The following LPP variants were observed in gnomAD, a reference collection of about 807,000 sequenced individuals.
LPP encodes LIM domain containing preferred translocation partner in lipoma, also known as lipoma-preferred partner.
A neutral mutation model predicts 60.4 loss-of-function variants in LPP; 38 were observed. The observed-to-expected ratio is 0.63, with a 90% CI of 0.49 to 0.83. The LOEUF is 0.83. Ranked by LOEUF, LPP falls within the 40% of genes least tolerant of loss-of-function variation. LPP has a pLI of 0.00. For synonymous variants in LPP, 328 were observed against 290.8 expected (o/e 1.13, Z -1.30); for missense variants, 902 against 783.6 (o/e 1.15, Z -1.80).
intron 2 of LPP, among the ~76,000 whole-genome samples, chr3:188,320,758 T>C (rs1386924653): frequency 1.3e-5 from 2 of 152,188 alleles, no homozygotes; most frequent in African/African-American, 4.8e-5. Flanking sequence ...CATGCACTGA[T>C]GCATCGTACT....
At chr3:188,335,498 T>C (rs1033613061) in intron 2 of LPP, among the ~76,000 whole-genome samples, 1 of 152,226 alleles carries the variant, frequency 6.6e-6, no homozygotes, top group African/African-American at 2.4e-5. Context: ...AATTTTCTTT[T>C]TACATGTTTG....
chr3:188,537,847 T>C (rs556313902), intron 6 of LPP, among the ~76,000 whole-genome samples: 4 of 152,290 alleles, frequency 2.6e-5, no homozygotes, highest in Admixed American at 1.3e-4. Context: ...TTCAAAACTT[T>C]CTTTCAAATG....
At chr3:188,252,825 G>A (rs1234486950) in intron 2 of LPP, among the ~76,000 whole-genome samples, 1 of 152,138 alleles carries the variant, frequency 6.6e-6, no homozygotes, top group African/African-American at 2.4e-5. Flanking sequence ...AGGCTGGAGT[G>A]CAGTGGCACG....
intron 1 of LPP, among the ~76,000 whole-genome samples, chr3:188,194,730 A>G (rs115411043): frequency 1.3e-5 from 2 of 152,358 alleles, no homozygotes; most frequent in Middle Eastern, 3.4e-3. Flanking sequence ...ACAAGCTCAT[A>G]TGACATACCT....
chr3:188,694,565 G>A (rs1862802033), intron 7 of LPP, among the ~76,000 whole-genome samples: 1 of 152,062 alleles, frequency 6.6e-6, no homozygotes, highest in Non-Finnish European at 1.5e-5. Context: ...ATCCGGGCAT[G>A]GTGGCACATG....
At chr3:188,393,075 C>T (rs77027621) in intron 3 of LPP, among the ~76,000 whole-genome samples, 1,537 of 150,482 alleles carry the variant, frequency 0.01, 29 homozygotes, top group African/African-American at 0.036. Flanking sequence ...ACATATTGTC[C>T]TTCTAGTACT....
chr3:188,264,270 T>TGA (rs992923768), intron 2 of LPP, among the ~76,000 whole-genome samples: 10 of 150,718 alleles, frequency 6.6e-5, no homozygotes, highest in Non-Finnish European at 4.4e-5. Flanking sequence ...TGTGTGTGTG[T>TGA]GAGAGAGAGA....
chr3:188,521,352 A>G (rs1469325641), intron 5 of LPP, among the ~76,000 whole-genome samples: 4 of 152,162 alleles, frequency 2.6e-5, no homozygotes, highest in Non-Finnish European at 5.9e-5. Flanking sequence ...ATGTCTTACA[A>G]GCACAGACTG....
At chr3:188,485,253 G>A (rs1251951426) in intron 5 of LPP, among the ~76,000 whole-genome samples, 6 of 152,140 alleles carry the variant, frequency 3.9e-5, no homozygotes, top group Non-Finnish European at 7.3e-5. Context: ...GTTCCAGCGA[G>A]TGGTAATTGC....
In LPP at chr3:188,463,543, C is replaced by T. The variant is rs75301616; in HGVS notation, c.194-21049C>T. Among the ~76,000 whole-genome samples, 240 of 152,246 alleles carry T rather than the reference C, an allele frequency of 1.6e-3. 5 individuals are homozygous for T. In the East Asian group the frequency reaches 0.043, roughly 28 times the overall value. On this transcript the variant is annotated intron_variant, in intron 4 of 11. Coordinates refer to ENST00000617246, the MANE Select transcript of LPP (RefSeq NM_001375462.1). ...TGTCGTCTTATTCCTGTGTAAATAA[C>T]TTCCACTCCCATTTCATTTTAGATT...
intron 4 of LPP, among the ~76,000 whole-genome samples, chr3:188,481,512 C>T (rs1804755584): frequency 1.3e-5 from 2 of 152,058 alleles, no homozygotes; most frequent in Admixed American, 1.3e-4. Flanking sequence ...TTCGTTTTGA[C>T]CCTCCCAGGA....
chr3:188,539,763 C>T (rs1488440171), intron 6 of LPP, among the ~76,000 whole-genome samples: 3 of 152,056 alleles, frequency 2.0e-5, no homozygotes, highest in Non-Finnish European at 4.4e-5. Flanking sequence ...TTGGTCTCAC[C>T]ACCAACATCA....
intron 3 of LPP, among the ~76,000 whole-genome samples, chr3:188,362,795 C>T (rs1018978767): frequency 6.6e-6 from 1 of 152,128 alleles, no homozygotes; most frequent in Non-Finnish European, 1.5e-5. Context: ...CCAGGTTTGT[C>T]TGAGGATGCA....
intron 3 of LPP, among the ~76,000 whole-genome samples, chr3:188,353,868 C>G (rs747602507): frequency 5.3e-5 from 8 of 152,030 alleles, no homozygotes; most frequent in Non-Finnish European, 1.2e-4. Flanking sequence ...ACTCCTTTAA[C>G]TTTTAACAAA....
chr3:188,700,454 T>C (rs1864175087), intron 7 of LPP, among the ~76,000 whole-genome samples: 1 of 152,182 alleles, frequency 6.6e-6, no homozygotes, highest in African/African-American at 2.4e-5. Flanking sequence ...GTAACAAAGA[T>C]GCAAGATGGT....
chr3:188,550,009 T>A (rs1827672417), intron 6 of LPP, among the ~76,000 whole-genome samples: 1 of 152,186 alleles, frequency 6.6e-6, no homozygotes, highest in African/African-American at 2.4e-5. Context: ...TGCACACTTG[T>A]CATGAGGCTT....
At chr3:188,430,387 A>G (rs1790593394) in intron 4 of LPP, among the ~76,000 whole-genome samples, 2 of 152,172 alleles carry the variant, frequency 1.3e-5, no homozygotes, top group Non-Finnish European at 2.9e-5. Flanking sequence ...GTAGGATAGC[A>G]TGTTATCTTC....
intron 9 of LPP, among the ~76,000 whole-genome samples, chr3:188,825,051 G>C (rs1755016705): frequency 6.6e-6 from 1 of 152,084 alleles, no homozygotes; most frequent in Non-Finnish European, 1.5e-5. Context: ...CTTATGTTTT[G>C]GTTATCCCAA....
chr3:188,880,177 CCT>C lies in LPP; in HGVS notation c.*5699_*5700del. 6.2e-6 allele frequency: 1 copy of C among 162,228 alleles called. No homozygotes were observed. Among genetic ancestry groups the C allele is most frequent in the South Asian group, 2.0e-4 (1 of 4,902 alleles). The allele number at this position is 162,228 out of a possible 1,614,324, so 10.0% of individuals were successfully genotyped here. On this transcript the variant is annotated 3_prime_UTR_variant, in exon 12 of 12. Transcript: ENST00000617246. ...TCCCGAGTAGCTGGGACTACAGGCGCCTGCCACCACGCCCGGCTAATTTTTTT... is the reference window on the plus strand; with the variant it reads ...TCCCGAGTAGCTGGGACTACAGGCGCGCCACCACGCCCGGCTAATTTTTTT...
Sources: gnomAD v4.1 joint callset for allele counts (sites outside exome capture counted in the v4.1 genomes callset) on GRCh38, gnomAD v4.1.1 for gene constraint, MANE v1.5 for transcripts, NCBI Gene and HGNC (gene_info 2026-07-23, HGNC 2026-07-21) for gene names.